Variants in GIGYF1 observed in about 807,000 individuals in gnomAD.
The protein encoded by GIGYF1 is GRB10 interacting GYF protein 1.
Under a neutral mutation model 147.1 loss-of-function variants are expected in GIGYF1, and 84 were observed. The ratio of observed to expected loss-of-function variants is 0.57; its 90% CI spans 0.48 to 0.68. GIGYF1 has a LOEUF of 0.68. Ranked by LOEUF, GIGYF1 falls within the 30% of genes least tolerant of loss-of-function variation. The probability of loss-of-function intolerance (pLI) is 0.00; values close to 1 mark genes in which losing one functional copy is unlikely to be tolerated. For missense variants in GIGYF1, 1,485 were observed against 1,393.7 expected (o/e 1.07, Z -1.04); for synonymous variants, 752 against 589.5 (o/e 1.28, Z -3.99).
intron 10 of GIGYF1, 91 bp from the exon 11 acceptor site, chr7:100,686,524 T>C: frequency 2.0e-6 from 3 of 1,520,462 alleles, no homozygotes; most frequent in Non-Finnish European, 2.6e-6. Context: ...CCTCCAGGGC[T>C]GCTGTCCCGG....
At chr7:100,686,493 T>C in intron 10 of GIGYF1, 60 bp from the exon 11 acceptor site, 1 of 1,531,434 alleles carries the variant, frequency 6.5e-7, no homozygotes, top group Non-Finnish European at 8.8e-7. Flanking sequence ...AGCGGCCCCC[T>C]CTGCTGCAGC....
intron 22 of GIGYF1, 86 bp from the exon 23 acceptor site, chr7:100,682,863 A>AC: frequency 7.2e-7 from 1 of 1,382,570 alleles, no homozygotes; most frequent in Non-Finnish European, 9.7e-7. Flanking sequence ...GCAAAGGGAG[A>AC]CAGGTGAGGT....
chr7:100,683,861 C>T lies in GIGYF1; in HGVS notation c.1926G>A (p.Ser642=), dbSNP rs367636378. ...TMSRSLSVPD[S]GRLWDVHTSA... ...AGGTATGTACGTCCCAGAGGCGGCC[C>T]GAATCTGGCACCGACAAGGACCGGC... The change falls in exon 19 of 27, where the codon TCG becomes TCA. Residue 642 remains serine (S), a synonymous_variant. Transcript: ENST00000678049. The T allele has an allele frequency of 1.9e-5, 29 of 1,563,524 alleles. No individual in the cohort carries two copies. Among genetic ancestry groups the T allele is most frequent in the South Asian group, 1.2e-4 (10 of 85,974 alleles).
chr7:100,679,884 G>C lies in GIGYF1; in HGVS notation c.*1835C>G, dbSNP rs991792445. ...AAAGTCTCTTTAGCTGGGGAGAAGA[G>C]ACAGGAAGAGTGTCCCCCTTCCCCT... On this transcript the variant is annotated 3_prime_UTR_variant, in exon 27 of 27. Transcript: ENST00000678049. 6.6e-6 allele frequency: 1 copy of C among 152,580 alleles called. No individual in the cohort carries two copies. Among genetic ancestry groups the C allele is most frequent in the Non-Finnish European group, 1.5e-5 (1 of 68,050 alleles). 9.5% of individuals were successfully genotyped at this position (152,580 alleles called of 1,614,324 possible).
In GIGYF1 at chr7:100,680,518, G is replaced by C. The variant is rs1252035699; in HGVS notation, c.*1201C>G. On this transcript the variant is annotated 3_prime_UTR_variant, in exon 27 of 27. Coordinates refer to ENST00000678049, the MANE Select transcript of GIGYF1 (RefSeq NM_001375765.1). ...CTCTTCACCCCAACCTTACCCAACG[G>C]TAAAAAGCGCATCATATCAGACCCG... is the stretch of plus-strand genomic sequence containing the variant. 1.3e-5 allele frequency: 2 copies of C among 152,626 alleles called. No homozygotes were observed. The highest frequency in any genetic ancestry group is 2.4e-5 in the African/African-American group (1 of 41,446). 9.5% of individuals were successfully genotyped at this position (152,626 alleles called of 1,614,324 possible).
chr7:100,683,783 C>T, intron 19 of GIGYF1, 35 bp downstream of exon 19: 1 of 1,575,664 alleles, frequency 6.3e-7, no homozygotes, highest in Non-Finnish European at 8.7e-7. Flanking sequence ...CACCCGGAGA[C>T]TGCCTTGGGG....
At chr7:100,687,754 G>T (rs756490466) in intron 6 of GIGYF1, 34 bp downstream of exon 6, 21 of 1,601,948 alleles carry the variant, frequency 1.3e-5, no homozygotes, top group Non-Finnish European at 1.6e-5. Context: ...CCCCTCCCAG[G>T]CTCCCGCAGC....
Position 100,680,165 on chromosome 7 carries a change from C to G in GIGYF1, c.*1554G>C, listed in dbSNP as rs1194938596. ...CACTGACCTAGTTGCCACTTTGGTG[C>G]AAAAAAAAAAAAAAAAAAAAAAAAA... On this transcript the variant is annotated 3_prime_UTR_variant, in exon 27 of 27. Transcript: ENST00000678049. 4 of 69,636 alleles carry G rather than the reference C, an allele frequency of 5.7e-5. No individual in the cohort carries two copies. Among genetic ancestry groups the G allele is most frequent in the African/African-American group, 6.0e-5 (1 of 16,570 alleles). The allele number at this position is 69,636 out of a possible 1,614,324, so 4.3% of individuals were successfully genotyped here.
rs1292238161 is a variant in GIGYF1, at chr7:100,681,697, A to G, written c.*22T>C. On this transcript the variant is annotated 3_prime_UTR_variant, in exon 27 of 27. Coordinates refer to ENST00000678049, the MANE Select transcript of GIGYF1 (RefSeq NM_001375765.1). The stretch of plus-strand genomic sequence containing the variant: ...CTGTGGCTGCCCTGGCCTACAGCCC[A>G]GGGGCTGGGGGTCCGGGCTGGTCAG... The G allele has an allele frequency of 6.5e-7, 1 of 1,533,074 alleles. No individual in the cohort carries two copies. The highest frequency in any genetic ancestry group is 2.1e-5 in the Admixed American group (1 of 48,110). 95.0% of individuals were successfully genotyped at this position (1,533,074 alleles called of 1,614,324 possible). A position where few individuals can be genotyped will look rare whatever the true frequency, so the allele number is the denominator to read the frequency against.
At chr7:100,693,640 G>A (rs1404181165) in intron 1 of GIGYF1, among the ~76,000 whole-genome samples, 1 of 152,182 alleles carries the variant, frequency 6.6e-6, no homozygotes, top group African/African-American at 2.4e-5. Flanking sequence ...GGAGAACTCC[G>A]GGAAGCGCGG....
chr7:100,683,828 T>C lies in GIGYF1; in HGVS notation c.1959A>G (p.Ser653=), dbSNP rs990780981. 2 of 1,573,342 alleles carry C rather than the reference T, an allele frequency of 1.3e-6. No homozygotes were observed. The highest frequency in any genetic ancestry group is 1.7e-6 in the Non-Finnish European group (2 of 1,158,576). ...AGTCAGGCCACACACCTGACTGTGATGAGGCTGAGGTATGTACGTCCCAGA... is the reference window on the plus strand; with the variant it reads ...AGTCAGGCCACACACCTGACTGTGACGAGGCTGAGGTATGTACGTCCCAGA... ...GRLWDVHTSA[S]SQSGGEASLW... is the part of the protein sequence containing the mutation. The change falls in exon 19 of 27, where the codon TCA becomes TCG. Residue 653 remains serine, a synonymous_variant. Transcript: ENST00000678049.
Position 100,686,098 on chromosome 7 carries a change from G to A in GIGYF1, c.949-19C>T. The A allele has an allele frequency of 6.2e-7, 1 of 1,611,506 alleles. No individual in the cohort carries two copies. Among genetic ancestry groups the A allele is most frequent in the Non-Finnish European group, 8.5e-7 (1 of 1,179,720 alleles). On this transcript the variant is annotated intron_variant, in intron 11 of 26. Coordinates refer to ENST00000678049, the MANE Select transcript of GIGYF1 (RefSeq NM_001375765.1). ...GGCCCTTCTGCATGGGGCCGGGGTG[G>A]GGAGCAGAGAACAGCTGGGGTGGGT...
At position 100,689,377 on chromosome 7, in the gene GIGYF1, C is replaced by T. The variant is rs1256081481; in HGVS notation, c.-920G>A. Reference sequence around the variant, plus strand: ...ATGGAGGCTGATGGGGGCGCGGCGGCAGCCTGTTCCTCTAAGGGAGGATGG... The same window carrying T: ...ATGGAGGCTGATGGGGGCGCGGCGGTAGCCTGTTCCTCTAAGGGAGGATGG... On this transcript the variant is annotated 5_prime_UTR_variant, in exon 2 of 27. Transcript: ENST00000678049. The T allele has an allele frequency of 1.3e-5, 2 of 152,368 alleles. No homozygotes were observed. 9.4% of individuals were successfully genotyped at this position (152,368 alleles called of 1,614,324 possible). A position where few individuals can be genotyped will look rare whatever the true frequency, so the allele number is the denominator to read the frequency against.
intron 12 of GIGYF1, 151 bp downstream of exon 12, chr7:100,685,823 C>T: frequency 1.5e-6 from 1 of 645,516 alleles, no homozygotes; most frequent in African/African-American, 1.8e-5. Flanking sequence ...GGCTCTGCTA[C>T]CCCCTGGTTC....
rs1369646634 is a variant in GIGYF1, at chr7:100,689,514, G to A, written c.-1057C>T. The A allele has an allele frequency of 6.5e-5, 10 of 152,678 alleles. No homozygotes were observed. The highest frequency in any genetic ancestry group is 2.1e-4 in the South Asian group (1 of 4,840). 9.5% of individuals were successfully genotyped at this position (152,678 alleles called of 1,614,324 possible). A position where few individuals can be genotyped will look rare whatever the true frequency, so the allele number is the denominator to read the frequency against. ...CACTGGCTGGGAGGGAGGCTGGCCC[G>A]GCTTGGTGCTGCAGCTCCCATCAAC... On this transcript the variant is annotated 5_prime_UTR_variant, in exon 2 of 27. Transcript: ENST00000678049.
Position 100,688,065 on chromosome 7 carries a change from CG to C in GIGYF1, c.80del (p.Pro27ArgfsTer56). On this transcript the variant is annotated frameshift_variant, in exon 5 of 27. Transcript: ENST00000678049. LOFTEE classifies it high-confidence loss of function. Reference sequence around the variant, plus strand: ...GCTTGTATTTGGGCATGGCAGGGGACGGGGGTGGGGAGGCCACGCTGCCGCC... The same window carrying C: ...GCTTGTATTTGGGCATGGCAGGGGACGGGGTGGGGAGGCCACGCTGCCGCC... ...SGGGSVASPP[P>X]SPAMPKYKLA... is the part of the protein sequence containing the mutation. 6.2e-7 allele frequency: 1 copy of C among 1,607,102 alleles called. No homozygotes were observed. Among genetic ancestry groups the C allele is most frequent in the Non-Finnish European group, 8.5e-7 (1 of 1,175,314 alleles).
In GIGYF1 at chr7:100,683,197, G is replaced by A; in HGVS notation, c.2227C>T (p.Gln743Ter). 1 of 1,609,178 alleles carries A rather than the reference G, an allele frequency of 6.2e-7. No individual in the cohort carries two copies. The highest frequency in any genetic ancestry group is 8.5e-7 in the Non-Finnish European group (1 of 1,179,806). ...RQQELLLKLL[Q>*]QQQAVPVPPA... ...GGCACAGGGACCGCCTGCTGCTGCTGTAGCAACTTCAGCAATAGCTCCTGC... is the reference window on the plus strand; with the variant it reads ...GGCACAGGGACCGCCTGCTGCTGCTATAGCAACTTCAGCAATAGCTCCTGC... Residue 743 changes from glutamine to a stop codon, truncating the protein, a stop_gained, in exon 22 of 27, where the codon CAG becomes TAG. Transcript: ENST00000678049. LOFTEE classifies it high-confidence loss of function.
rs780410637 is a variant in GIGYF1, at chr7:100,680,935, G to C, written c.*784C>G. Reference sequence around the variant, plus strand: ...TGGGAGACGCCCCTCACCAGAACCAGAGTCCTGCTGCCCCACCCTGCCAGC... The same window carrying C: ...TGGGAGACGCCCCTCACCAGAACCACAGTCCTGCTGCCCCACCCTGCCAGC... On this transcript the variant is annotated 3_prime_UTR_variant, in exon 27 of 27. Coordinates refer to ENST00000678049, the MANE Select transcript of GIGYF1 (RefSeq NM_001375765.1). 3 of 152,328 alleles carry C rather than the reference G, an allele frequency of 2.0e-5. No individual in the cohort carries two copies. The highest frequency in any genetic ancestry group is 2.0e-4 in the East Asian group (1 of 5,018). The allele number at this position is 152,328 out of a possible 1,614,324, so 9.4% of individuals were successfully genotyped here.
Position 100,686,691 on chromosome 7 carries a change from C to A in GIGYF1, c.652G>T (p.Gly218Trp), listed in dbSNP as rs1354883017. The stretch of plus-strand genomic sequence containing the variant: ...CAGCGGTCGCCGTCTCGCCGGGGCC[C>A]TGCTCCGAGCCTCCAGCTGCCCTCC... ...EEEGSWRLGAGPRRDGDRWRS... is the reference protein window; with the variant it reads ...EEEGSWRLGAWPRRDGDRWRS... Residue 218 changes from glycine (G) to tryptophan (W), a missense_variant, in exon 10 of 27, where the codon GGG (glycine) becomes TGG (tryptophan). Transcript: ENST00000678049. The A allele has an allele frequency of 1.2e-6, 2 of 1,613,166 alleles. No individual in the cohort carries two copies. The highest frequency in any genetic ancestry group is 2.2e-5 in the East Asian group (1 of 44,802).
Sources: allele counts gnomAD v4.1 joint callset (sites outside exome capture counted in the v4.1 genomes callset), GRCh38; gene constraint gnomAD v4.1.1; transcripts MANE v1.5; gene names NCBI Gene and HGNC (gene_info 2026-07-23, HGNC 2026-07-21).